Variants in AAAS observed in about 807,000 individuals in gnomAD.
AAAS encodes the protein aladin.
In AAAS, 60 loss-of-function variants were observed where a neutral mutation model predicts 75.6. The ratio of observed to expected loss-of-function variants is 0.79; its 90% confidence interval spans 0.64 to 0.98. The LOEUF (loss-of-function observed/expected upper bound fraction) is 0.98, where lower values mean the gene tolerates loss of function less well. Among genes scored for constraint, AAAS ranks in the 50% least tolerant of loss-of-function variants. AAAS has a pLI of 0.00. For synonymous variants in AAAS, 271 were observed against 265.0 expected (o/e 1.02, Z -0.22); for missense variants, 658 against 686.9 (o/e 0.96, Z 0.47).
intron 1 of AAAS, 197 bp from the exon 2 acceptor site, chr12:53,320,889 T>C: frequency 1.5e-6 from 1 of 649,894 alleles, no homozygotes; most frequent in East Asian, 2.8e-5. Context: ...TAATATTTCA[T>C]AGGGTTGCTG....
In AAAS at chr12:53,321,353, A is replaced by C. The variant is rs1944552401; in HGVS notation, c.113T>G (p.Phe38Cys). 1 of 1,613,580 alleles carries C rather than the reference A, an allele frequency of 6.2e-7. No individual in the cohort carries two copies. Among genetic ancestry groups the C allele is most frequent in the Non-Finnish European group, 8.5e-7 (1 of 1,179,882 alleles). Residue 38 changes from phenylalanine to cysteine, a missense_variant, in exon 1 of 16, where the codon TTC (phenylalanine) becomes TGC (cysteine). Physicochemically the swap from Phe to Cys is radical, Grantham distance 205. Transcript: ENST00000209873. ...GSSYESPPPD[F>C]RGQWINLPVL... is the part of the protein sequence containing the mutation. ...CCTCGCCCTGGCCACCTGGCCCCGG[A>C]AGTCGGGGGGCGGGCTCTCATAGCT...
rs371654852 is a variant in AAAS, at chr12:53,321,494, G to C, written c.-29C>G. The C allele has an allele frequency of 3.7e-6, 6 of 1,613,236 alleles. No individual in the cohort carries two copies. Among genetic ancestry groups the C allele is most frequent in the Middle Eastern group, 1.6e-4 (1 of 6,074 alleles). Reference sequence around the variant, plus strand: ...GCCGGTTCGCAGGACGTCTGCAGTCGGCAAACTCCTGGCCGGAACGGCACA... The same window carrying C: ...GCCGGTTCGCAGGACGTCTGCAGTCCGCAAACTCCTGGCCGGAACGGCACA... On this transcript the variant is annotated 5_prime_UTR_variant, in exon 1 of 16. Coordinates refer to ENST00000209873, the MANE Select transcript of AAAS (RefSeq NM_015665.6).
At chr12:53,315,812 T>C in intron 2 of AAAS, 30 bp from the exon 3 acceptor site, 3 of 1,610,642 alleles carry the variant, frequency 1.9e-6, no homozygotes, top group Non-Finnish European at 2.5e-6. Context: ...TGGGTCAGCT[T>C]ACTCTGATCC....
In AAAS at chr12:53,309,123, G is replaced by A. The variant is rs184264999; in HGVS notation, c.935+34C>T. Reference sequence around the variant, plus strand: ...CCAGGAGCTAAGTGCCTTTCTCTAGGTCCTTGCCCTCCCTCCATCCTTGTC... The same window carrying A: ...CCAGGAGCTAAGTGCCTTTCTCTAGATCCTTGCCCTCCCTCCATCCTTGTC... On this transcript the variant is annotated intron_variant, in intron 9 of 15. Coordinates refer to ENST00000209873, the MANE Select transcript of AAAS (RefSeq NM_015665.6). The A allele has an allele frequency of 1.5e-4, 249 of 1,614,182 alleles. No homozygotes were observed. The African/African-American group carries it at 3.1e-3, about 20-fold the overall frequency.
At chr12:53,319,630 C>A (rs1453015992) in intron 2 of AAAS, among the ~76,000 whole-genome samples, 1 of 149,822 alleles carries the variant, frequency 6.7e-6, no homozygotes, top group Non-Finnish European at 1.5e-5. Context: ...ATGGTGAAAT[C>A]TCATCTCTAC....
At chr12:53,314,964 T>C (rs1592518800) in intron 5 of AAAS, 115 bp from the exon 6 acceptor site, 2 of 1,484,252 alleles carry the variant, frequency 1.3e-6, no homozygotes, top group East Asian at 4.5e-5. Context: ...GTATTCTTTT[T>C]TGGGGGAACA....
At chr12:53,314,245 G>C in intron 7 of AAAS, 53 bp downstream of exon 7, 1 of 1,611,932 alleles carries the variant, frequency 6.2e-7, no homozygotes, top group Non-Finnish European at 8.5e-7. Context: ...CACCCACCAT[G>C]CCTAGCATTG....
intron 7 of AAAS, 39 bp from the exon 8 acceptor site, chr12:53,309,760 C>G: frequency 6.2e-7 from 1 of 1,606,684 alleles, no homozygotes; most frequent in Non-Finnish European, 8.5e-7. Flanking sequence ...CAGAAGATGA[C>G]AAGAAGCCAT....
Position 53,320,609 on chromosome 12 carries a change from G to C in AAAS, c.207C>G (p.Phe69Leu), listed in dbSNP as rs1192488293. The C allele has an allele frequency of 9.3e-6, 15 of 1,614,054 alleles. No homozygotes were observed. The highest frequency in any genetic ancestry group is 1.3e-5 in the Non-Finnish European group (15 of 1,180,050). ...TCCACACTTGCTCCCGGTGATGGAT[G>C]AAGGCAGTTCTTGTGCCATGGTCCA... ...GRLDHGTRTAFIHHREQVWKR... is the reference protein window; with the variant it reads ...GRLDHGTRTALIHHREQVWKR... Residue 69 changes from phenylalanine (F) to leucine (L), a missense_variant, in exon 2 of 16, where the codon TTC (phenylalanine) becomes TTG (leucine). Transcript: ENST00000209873.
intron 2 of AAAS, among the ~76,000 whole-genome samples, chr12:53,316,968 A>C (rs1165929937): frequency 9.2e-5 from 14 of 151,866 alleles, no homozygotes; most frequent in Admixed American, 9.2e-4. Context: ...CTGTAGTCCC[A>C]GCTACTTGGG....
intron 1 of AAAS, chr12:53,320,980 G>A (rs1944544701): frequency 1.9e-6 from 1 of 536,310 alleles, no homozygotes; most frequent in South Asian, 2.1e-5. Context: ...ATAAATGTCA[G>A]TTTCCCTTCC....
rs745792179 is a variant in AAAS, at chr12:53,321,363, G to A, written c.103C>T (p.Pro35Ser). Reference protein sequence around the residue: ...LVTGSSYESPPPDFRGQWINL... With the variant: ...LVTGSSYESPSPDFRGQWINL... The stretch of plus-strand genomic sequence containing the variant: ...GCCACCTGGCCCCGGAAGTCGGGGG[G>A]CGGGCTCTCATAGCTACTGCCCGTC... The change falls in exon 1 of 16, where the codon CCC becomes TCC. Residue 35 changes from proline (P) to serine (S), a missense_variant. By Grantham distance (74) the Pro-to-Ser change is moderately conservative. Transcript: ENST00000209873. 5.6e-6 allele frequency: 9 copies of A among 1,613,790 alleles called. No individual in the cohort carries two copies. Among genetic ancestry groups the A allele is most frequent in the Non-Finnish European group, 7.6e-6 (9 of 1,179,984 alleles).
At chr12:53,315,567 C>A in intron 3 of AAAS, 141 bp from the exon 4 acceptor site, 1 of 1,183,626 alleles carries the variant, frequency 8.4e-7, no homozygotes, top group Non-Finnish European at 1.2e-6. Context: ...CTCTGGACAC[C>A]CACTCTGGAC....
At chr12:53,312,217 CA>C (rs111952165) in intron 7 of AAAS, among the ~76,000 whole-genome samples, 85 of 139,326 alleles carry the variant, frequency 6.1e-4, no homozygotes, top group African/African-American at 6.8e-4. Context: ...AACTCCATCT[CA>C]AAAAAAAAAA....
At position 53,317,691 on chromosome 12, in the gene AAAS, G is replaced by A. The variant is rs1224244278; in HGVS notation, c.252-1909C>T. Reference sequence around the variant, plus strand: ...CAGGAGGCGGAGGTTGCAGCGAGCTGAGATCACGCCACTGCACTCCAGCCT... The same window carrying A: ...CAGGAGGCGGAGGTTGCAGCGAGCTAAGATCACGCCACTGCACTCCAGCCT... On this transcript the variant is annotated intron_variant, in intron 2 of 15. Coordinates refer to ENST00000209873, the MANE Select transcript of AAAS (RefSeq NM_015665.6). Among the ~76,000 whole-genome samples, 6 of 151,924 alleles carry A rather than the reference G, an allele frequency of 3.9e-5. No individual in the cohort carries two copies. In the East Asian group the frequency reaches 1.2e-3, roughly 29 times the overall value.
At position 53,309,175 on chromosome 12, in the gene AAAS, G is replaced by A. The variant is rs1216348421; in HGVS notation, c.917C>T (p.Thr306Ile). 6.2e-7 allele frequency: 1 copy of A among 1,614,202 alleles called. No individual in the cohort carries two copies. The highest frequency in any genetic ancestry group is 1.3e-5 in the African/African-American group (1 of 75,048). ...CACTCACCGAAAGACAGCTGAAGGA[G>A]TGGTAGCCAGGATTTTGCTGCCGTC... is the stretch of plus-strand genomic sequence containing the variant. ...SPDGSKILAT[T>I]PSAVFRVWEA... is the part of the protein sequence containing the mutation. The change falls in exon 9 of 16, where the codon ACT becomes ATT. Residue 306 changes from threonine to isoleucine, a missense_variant. By Grantham distance (89) the Thr-to-Ile change is moderately conservative. Transcript: ENST00000209873.
In AAAS at chr12:53,308,512, GCACCCCTTTCCCT is replaced by G; in HGVS notation, c.1091_1103del (p.Glu364AlafsTer48). On this transcript the variant is annotated frameshift_variant, in exon 12 of 16. Transcript: ENST00000209873. LOFTEE classifies it high-confidence loss of function. The stretch of plus-strand genomic sequence containing the variant: ...TCGTTGCTGACTTTGCACCTCCAAC[GCACCCCTTTCCCT>G]CACCTGTGGACAAATAAGAGCAGAG... 3 of 1,614,032 alleles carry G rather than the reference GCACCCCTTTCCCT, an allele frequency of 1.9e-6. No individual in the cohort carries two copies. The highest frequency in any genetic ancestry group is 2.5e-6 in the Non-Finnish European group (3 of 1,180,022).
intron 2 of AAAS, among the ~76,000 whole-genome samples, chr12:53,316,894 A>C (rs551829362): frequency 2.6e-5 from 4 of 151,768 alleles, no homozygotes; most frequent in Non-Finnish European, 5.9e-5. Context: ...AGCCTAGGCA[A>C]CATAGGGAAA....
At chr12:53,317,207 G>A (rs1944476158) in intron 2 of AAAS, among the ~76,000 whole-genome samples, 1 of 151,542 alleles carries the variant, frequency 6.6e-6, no homozygotes, top group Non-Finnish European at 1.5e-5. Flanking sequence ...GGTGGATCAC[G>A]AGGTCAGGAG....
Sources: allele counts gnomAD v4.1 joint callset (sites outside exome capture counted in the v4.1 genomes callset), GRCh38; gene constraint gnomAD v4.1.1; transcripts MANE v1.5; gene names NCBI Gene and HGNC (gene_info 2026-07-23, HGNC 2026-07-21).